RMST: variants seen among roughly 807,000 people sequenced by gnomAD.
RMST encodes long intergenic non-protein coding RNA 54.
chr12:97,489,521 A>C (rs2136445307), intron 5 of RMST, among the ~76,000 whole-genome samples: 1 of 152,152 alleles, frequency 6.6e-6, no homozygotes, highest in Admixed American at 6.5e-5. Flanking sequence ...ATGACTTTTT[A>C]GGTGGTTCTG....
At chr12:97,475,584 T>C (rs1841468041) in intron 5 of RMST, among the ~76,000 whole-genome samples, 1 of 122,866 alleles carries the variant, frequency 8.1e-6, no homozygotes, top group Non-Finnish European at 1.8e-5. Context: ...TATCTTTTTT[T>C]TTGTTTTTTT....
chr12:97,490,531 G>T (rs1470105539), intron 5 of RMST, among the ~76,000 whole-genome samples: 2 of 152,144 alleles, frequency 1.3e-5, no homozygotes, highest in African/African-American at 2.4e-5. Flanking sequence ...TTAGGACAGT[G>T]CCTGGCACAT....
At chr12:97,492,950 A>G (rs535528890) in intron 6 of RMST, 3 of 152,328 alleles carry the variant, frequency 2.0e-5, no homozygotes, top group East Asian at 3.9e-4. Context: ...GCTATTTGCA[A>G]TATAAGAGTT....
At chr12:97,521,545 T>C (rs1880512981) in intron 10 of RMST, among the ~76,000 whole-genome samples, 1 of 152,192 alleles carries the variant, frequency 6.6e-6, no homozygotes, top group Non-Finnish European at 1.5e-5. Flanking sequence ...ATTTAATTTC[T>C]AATCATAACT....
chr12:97,498,288 A>G (rs1334062587), intron 10 of RMST, among the ~76,000 whole-genome samples: 2 of 152,184 alleles, frequency 1.3e-5, no homozygotes, highest in Admixed American at 6.5e-5. Flanking sequence ...TGATGAAAAT[A>G]TTACCAATTA....
At chr12:97,525,206 G>T (rs1880966269) in intron 10 of RMST, among the ~76,000 whole-genome samples, 1 of 152,172 alleles carries the variant, frequency 6.6e-6, no homozygotes, top group African/African-American at 2.4e-5. Flanking sequence ...GGAGATGCAG[G>T]AATACCAACA....
intron 11 of RMST, among the ~76,000 whole-genome samples, chr12:97,552,795 C>T (rs1883394851): frequency 6.6e-6 from 1 of 152,178 alleles, no homozygotes; most frequent in Non-Finnish European, 1.5e-5. Flanking sequence ...TATTTCTCCT[C>T]TTGGTTCATT....
intron 5 of RMST, among the ~76,000 whole-genome samples, chr12:97,476,032 T>C (rs1874519078): frequency 6.6e-6 from 1 of 152,144 alleles, no homozygotes; most frequent in Non-Finnish European, 1.5e-5. Context: ...TTTTTGAAGA[T>C]GTTGATGGTG....
At chr12:97,547,005 T>C (rs1331693685) in intron 11 of RMST, among the ~76,000 whole-genome samples, 1 of 151,888 alleles carries the variant, frequency 6.6e-6, no homozygotes, top group Admixed American at 6.6e-5. Context: ...TTTCTATGAG[T>C]TAAACTTTTG....
intron 10 of RMST, among the ~76,000 whole-genome samples, chr12:97,496,470 C>T (rs1038546915): frequency 1.3e-5 from 2 of 152,066 alleles, no homozygotes; most frequent in African/African-American, 2.4e-5. Flanking sequence ...CAAAATTTTA[C>T]GTGTCATTAT....
intron 11 of RMST, among the ~76,000 whole-genome samples, chr12:97,542,251 C>G (rs1055870033): frequency 6.6e-6 from 1 of 151,732 alleles, no homozygotes; most frequent in African/African-American, 2.4e-5. Flanking sequence ...CAAGGTACTG[C>G]CCCTTGTGCA....
intron 5 of RMST, among the ~76,000 whole-genome samples, chr12:97,475,296 C>G (rs957974159): frequency 6.6e-6 from 1 of 152,158 alleles, no homozygotes; most frequent in Non-Finnish European, 1.5e-5. Context: ...AGTATTTGCG[C>G]ATACACTTTC....
chr12:97,562,245 C>T (rs1651467675), intron 13 of RMST, among the ~76,000 whole-genome samples: 1 of 152,160 alleles, frequency 6.6e-6, no homozygotes, highest in Non-Finnish European at 1.5e-5. Context: ...GGCTGCCTTC[C>T]CATGTATCCA....
intron 5 of RMST, chr12:97,491,895 C>T: frequency 1.9e-6 from 1 of 528,182 alleles, no homozygotes; most frequent in Admixed American, 1.9e-5. Context: ...CCCGAGCGTC[C>T]ATGGGTCAGC....
intron 5 of RMST, among the ~76,000 whole-genome samples, chr12:97,488,095 G>A (rs1361745664): frequency 6.6e-6 from 1 of 152,140 alleles, no homozygotes; most frequent in African/African-American, 2.4e-5. Flanking sequence ...TCAGGATGAA[G>A]GTTTTCTGGC....
At chr12:97,491,328 T>TA (rs1401553177) in intron 5 of RMST, among the ~76,000 whole-genome samples, 1 of 152,224 alleles carries the variant, frequency 6.6e-6, no homozygotes, top group Non-Finnish European at 1.5e-5. Context: ...TGGCTGTTAG[T>TA]AGAACATTTC....
intron 5 of RMST, among the ~76,000 whole-genome samples, chr12:97,483,851 G>A (rs756195224): frequency 5.3e-5 from 8 of 151,998 alleles, no homozygotes; most frequent in Non-Finnish European, 1.0e-4. Context: ...TATACTTAAC[G>A]TTCTACAAAT....
intron 10 of RMST, among the ~76,000 whole-genome samples, chr12:97,514,092 G>T (rs1431700361): frequency 6.6e-6 from 1 of 152,168 alleles, no homozygotes; most frequent in Non-Finnish European, 1.5e-5. Flanking sequence ...TTTGCAGAAG[G>T]TAACTCAGCA....
At chr12:97,536,509 G>A (rs930994600) in intron 11 of RMST, among the ~76,000 whole-genome samples, 1 of 151,432 alleles carries the variant, frequency 6.6e-6, no homozygotes, top group Non-Finnish European at 1.5e-5. Flanking sequence ...ACAGAGAAGT[G>A]TGGTCAGTCT....
Sources: allele counts gnomAD v4.1 joint callset (sites outside exome capture counted in the v4.1 genomes callset), GRCh38; gene constraint gnomAD v4.1.1; transcripts MANE v1.5; gene names NCBI Gene and HGNC (gene_info 2026-07-23, HGNC 2026-07-21).